Variants in PTPRN2 observed in about 807,000 individuals in gnomAD.
PTPRN2 encodes protein tyrosine phosphatase receptor type N2.
A neutral mutation model predicts 118.8 loss-of-function variants in PTPRN2; 74 were observed. That is an observed-to-expected ratio of 0.62 (90% confidence interval 0.52 to 0.76). The LOEUF (loss-of-function observed/expected upper bound fraction) is 0.76, where lower values mean the gene tolerates loss of function less well. Among genes scored for constraint, PTPRN2 ranks in the 30% least tolerant of loss-of-function variants. The pLI, the probability that PTPRN2 is intolerant of heterozygous loss-of-function variation, is 0.00. For missense variants in PTPRN2, 1,481 were observed against 1,394.4 expected (o/e 1.06, Z -0.99); for synonymous variants, 641 against 608.0 (o/e 1.05, Z -0.80).
At chr7:157,723,900 A>G (rs1199334210) in intron 12 of PTPRN2, among the ~76,000 whole-genome samples, 1 of 152,256 alleles carries the variant, frequency 6.6e-6, no homozygotes, top group Non-Finnish European at 1.5e-5. Flanking sequence ...TCAGAGCAGA[A>G]CGTCTGGGAA....
intron 6 of PTPRN2, among the ~76,000 whole-genome samples, chr7:158,146,902 T>G (rs114318231): frequency 2.7e-5 from 4 of 148,014 alleles, no homozygotes; most frequent in Non-Finnish European, 4.4e-5. Flanking sequence ...ATTAAGATCC[T>G]GTGAAGAGAC....
At position 158,587,683 on chromosome 7, in the gene PTPRN2, C is replaced by A; in HGVS notation, c.-14G>T. 1 of 1,312,398 alleles carries A rather than the reference C, an allele frequency of 7.6e-7. No homozygotes were observed. Among genetic ancestry groups the A allele is most frequent in the Non-Finnish European group, 9.7e-7 (1 of 1,033,320 alleles). The allele number at this position is 1,312,398 out of a possible 1,614,324, so 81.3% of individuals were successfully genotyped here. A position where few individuals can be genotyped will look rare whatever the true frequency, so the allele number is the denominator to read the frequency against. On this transcript the variant is annotated 5_prime_UTR_variant, in exon 1 of 23. Coordinates refer to ENST00000389418, the MANE Select transcript of PTPRN2 (RefSeq NM_002847.5). ...CGGCGGCCCCATCCCCGCGGCCTGG[C>A]CGGCGGCGCTCAGTCCATGGCCGCG...
chr7:157,775,894 G>A (rs964661484), intron 12 of PTPRN2, among the ~76,000 whole-genome samples: 26 of 152,196 alleles, frequency 1.7e-4, no homozygotes, highest in Admixed American at 7.2e-4. Context: ...CAGTAACGCC[G>A]CTGTCTCTGT....
chr7:158,441,090 G>GTGAT (rs1817068347), intron 2 of PTPRN2, among the ~76,000 whole-genome samples: 1 of 144,826 alleles, frequency 6.9e-6, no homozygotes, highest in Admixed American at 6.7e-5. Context: ...GCTGGTGGTA[G>GTGAT]TGATAGGGGT....
chr7:157,698,126 A>C (rs2150856526), intron 12 of PTPRN2, among the ~76,000 whole-genome samples: 1 of 152,394 alleles, frequency 6.6e-6, no homozygotes, highest in Non-Finnish European at 1.5e-5. Context: ...GTTAGATATA[A>C]CATAAGCAAT....
chr7:158,052,990 C>T (rs1195606911), intron 11 of PTPRN2, among the ~76,000 whole-genome samples: 1 of 152,228 alleles, frequency 6.6e-6, no homozygotes, highest in Non-Finnish European at 1.5e-5. Flanking sequence ...GCTCTGCCGC[C>T]TTCTCCCTGC....
At chr7:158,513,670 A>G (rs776331157) in intron 1 of PTPRN2, among the ~76,000 whole-genome samples, 3 of 152,254 alleles carry the variant, frequency 2.0e-5, no homozygotes, top group Admixed American at 6.5e-5. Flanking sequence ...AGCCATCAAA[A>G]TGCTATAGGT....
intron 3 of PTPRN2, among the ~76,000 whole-genome samples, chr7:158,245,098 C>G (rs1397678860): frequency 6.6e-6 from 1 of 152,248 alleles, no homozygotes; most frequent in African/African-American, 2.4e-5. Context: ...GCAGCGTGGT[C>G]AGCACAGAGG....
At chr7:157,819,630 GCC>G (rs1230790109) in intron 12 of PTPRN2, among the ~76,000 whole-genome samples, 1 of 151,360 alleles carries the variant, frequency 6.6e-6, no homozygotes, top group African/African-American at 2.4e-5. Context: ...CCACGGCACA[GCC>G]CTCCCCACCC....
intron 12 of PTPRN2, among the ~76,000 whole-genome samples, chr7:157,762,870 C>T (rs1051038040): frequency 3.3e-5 from 5 of 152,216 alleles, no homozygotes; most frequent in Non-Finnish European, 7.4e-5. Flanking sequence ...TGTGTCCCTG[C>T]GTGTCCAAGG....
chr7:158,259,710 T>C (rs904933038), intron 3 of PTPRN2, among the ~76,000 whole-genome samples: 1 of 148,602 alleles, frequency 6.7e-6, no homozygotes, highest in African/African-American at 2.4e-5. Flanking sequence ...GTGTCCCGGG[T>C]GTACAGGTAT....
chr7:157,597,639 G>T (rs917533121), intron 16 of PTPRN2, among the ~76,000 whole-genome samples: 1 of 152,204 alleles, frequency 6.6e-6, no homozygotes, highest in Non-Finnish European at 1.5e-5. Context: ...GGTGACTGTT[G>T]ATTTAGGTCT....
intron 11 of PTPRN2, among the ~76,000 whole-genome samples, chr7:158,058,332 T>C (rs1279244798): frequency 7.1e-6 from 1 of 141,482 alleles, no homozygotes; most frequent in African/African-American, 2.8e-5. Context: ...CGGTGAGACA[T>C]CACTACAGCC....
intron 14 of PTPRN2, among the ~76,000 whole-genome samples, chr7:157,637,155 T>C (rs1367491240): frequency 3.9e-5 from 6 of 152,224 alleles, no homozygotes; most frequent in Non-Finnish European, 4.4e-5. Context: ...CCCTTTGACA[T>C]ATGAAATATA....
At position 158,526,113 on chromosome 7, in the gene PTPRN2, T is replaced by C. The variant is rs1173006257; in HGVS notation, c.113-36328A>G. Reference sequence around the variant, plus strand: ...ATCTGCCCAGTCCCTGAGGAGATGATGACTTCCTACAGCTTCTGAAAGGGC... The same window carrying C: ...ATCTGCCCAGTCCCTGAGGAGATGACGACTTCCTACAGCTTCTGAAAGGGC... On this transcript the variant is annotated intron_variant, in intron 1 of 22. Coordinates refer to ENST00000389418, the MANE Select transcript of PTPRN2 (RefSeq NM_002847.5). This position sits in a 1 kb window ranked among gnomAD's most constrained non-coding sequence, Gnocchi z 5.2. Among the ~76,000 whole-genome samples, 1 of 152,174 alleles carries C rather than the reference T, an allele frequency of 6.6e-6. No homozygotes were observed. Among genetic ancestry groups the C allele is most frequent in the Non-Finnish European group, 1.5e-5 (1 of 68,020 alleles).
At chr7:158,398,041 T>C (rs1474965182) in intron 2 of PTPRN2, among the ~76,000 whole-genome samples, 1 of 152,226 alleles carries the variant, frequency 6.6e-6, no homozygotes, top group Middle Eastern at 3.4e-3. Context: ...CTGGGAAAAT[T>C]TGCAGACTCG....
intron 11 of PTPRN2, among the ~76,000 whole-genome samples, chr7:157,954,690 C>A (rs933343198): frequency 3.3e-5 from 5 of 152,092 alleles, no homozygotes; most frequent in African/African-American, 1.2e-4. Flanking sequence ...GACCCCAGAG[C>A]GAGGCCCCGC....
At chr7:158,231,068 G>T (rs185702756) in intron 3 of PTPRN2, among the ~76,000 whole-genome samples, 52 of 152,166 alleles carry the variant, frequency 3.4e-4, no homozygotes, top group Non-Finnish European at 5.9e-4. Context: ...GGAGTTCAAG[G>T]CCAGCCTGGG....
chr7:158,294,841 T>A (rs1160766152), intron 3 of PTPRN2, among the ~76,000 whole-genome samples: 1 of 149,108 alleles, frequency 6.7e-6, no homozygotes, highest in Non-Finnish European at 1.5e-5. Context: ...CTGCACCACA[T>A]CGTGGTTCAC....
Sources: allele counts gnomAD v4.1 joint callset (sites outside exome capture counted in the v4.1 genomes callset), GRCh38; gene constraint gnomAD v4.1.1; non-coding constraint Gnocchi (gnomAD v3.1); transcripts MANE v1.5; gene names NCBI Gene and HGNC (gene_info 2026-07-23, HGNC 2026-07-21).